ENTPD5: variants seen among roughly 807,000 people sequenced by gnomAD.
ENTPD5 encodes nucleoside diphosphate phosphatase ENTPD5.
ENTPD5 carries 49 observed loss-of-function variants against 60.2 expected under a neutral mutation model. The ratio of observed to expected loss-of-function variants is 0.81; its 90% CI spans 0.65 to 1.03. ENTPD5 has a LOEUF of 1.03. Among genes scored for constraint, ENTPD5 ranks in the 50% least tolerant of loss-of-function variants. The pLI is 0.00. For missense variants in ENTPD5, 480 were observed against 507.6 expected (o/e 0.95, Z 0.52); for synonymous variants, 187 against 185.4 (o/e 1.01, Z -0.07).
chr14:73,956,956 T>C (rs11623965), downstream of ENTPD5, among the ~76,000 whole-genome samples: 47,904 of 152,074 alleles, frequency 0.32, 9,116 homozygotes, highest in Non-Finnish European at 0.42. Context: ...TGTGTGTGCA[T>C]GTACATGCAT....
At chr14:73,955,638 G>A (rs751788393), downstream of ENTPD5, 4 of 1,341,748 alleles carry the variant, frequency 3.0e-6, no homozygotes, top group Admixed American at 6.8e-5. Context: ...CCGAGGAAGT[G>A]GGGAGAAGCA....
At chr14:73,955,573 C>G (rs768103757), downstream of ENTPD5, 4 of 1,506,736 alleles carry the variant, frequency 2.7e-6, no homozygotes, top group African/African-American at 5.5e-5. Flanking sequence ...TCGGAGTCCA[C>G]TTTCTCCAAG....
At position 73,994,768 on chromosome 14, in the gene ENTPD5, T is replaced by A. The variant is rs76772820; in HGVS notation, c.-70-6596A>T. Among the ~76,000 whole-genome samples, 266 of 151,368 alleles carry A rather than the reference T, an allele frequency of 1.8e-3. 7 individuals are homozygous for A. The East Asian group carries it at 0.036, about 20-fold the overall frequency. ...AAAGTCTTACATTTATAGAATGACA[T>A]CCTATTTTACAGAACCCGAGTCTGC... On this transcript the variant is annotated intron_variant, in intron 3 of 15. Transcript: ENST00000334696.
intron 14 of ENTPD5, among the ~76,000 whole-genome samples, chr14:73,971,640 C>T (rs774908266): frequency 6.6e-6 from 1 of 152,174 alleles, no homozygotes; most frequent in South Asian, 2.1e-4. Context: ...GCAATCCTCC[C>T]GCCCTGAGTA....
chr14:73,980,190 G>A (rs569836631), intron 6 of ENTPD5, among the ~76,000 whole-genome samples: 11 of 150,072 alleles, frequency 7.3e-5, no homozygotes, highest in Non-Finnish European at 1.6e-4. Context: ...CAGGTGATCC[G>A]CCCGCCTCGG....
At chr14:73,961,325 T>C, downstream of ENTPD5, 1 of 1,614,168 alleles carries the variant, frequency 6.2e-7, no homozygotes, top group Non-Finnish European at 8.5e-7. Context: ...TGTTTCCTCT[T>C]GGGTTGGGAC....
chr14:73,999,643 T>C (rs2058444840), intron 3 of ENTPD5, among the ~76,000 whole-genome samples: 1 of 147,670 alleles, frequency 6.8e-6, no homozygotes, highest in Non-Finnish European at 1.5e-5. Context: ...TATACAAAAA[T>C]TAGCCAGGCG....
rs187660333 is a variant in ENTPD5, at chr14:73,985,255, C to T, written c.297+1559G>A. On this transcript the variant is annotated intron_variant, in intron 5 of 15. Coordinates refer to ENST00000334696, the MANE Select transcript of ENTPD5 (RefSeq NM_001249.5). ...GATTTATAATCCTTTGGGTATATAC[C>T]GAGTAATGGGATGGCTGGGTCAAAT... is the stretch of plus-strand genomic sequence containing the variant. Among the ~76,000 whole-genome samples, 582 of 152,148 alleles carry T rather than the reference C, an allele frequency of 3.8e-3. 2 individuals are homozygous for T. The highest frequency in any genetic ancestry group is 7.0e-3 in the South Asian group (34 of 4,824).
In ENTPD5 at chr14:73,970,100, G is replaced by C. The variant is rs748338265; in HGVS notation, c.1110C>G (p.Thr370=). 6.2e-7 allele frequency: 1 copy of C among 1,613,778 alleles called. No individual in the cohort carries two copies. The highest frequency in any genetic ancestry group is 8.5e-7 in the Non-Finnish European group (1 of 1,179,732). Residue 370 remains threonine (T), a synonymous_variant, in exon 15 of 16, where the codon ACC becomes ACG. Transcript: ENST00000334696. ...CCATGCACAGGAAAGGACTGCCTGA[G>C]GTGAAGTTTTCCAAGTTATCACACA... ...REVCDNLENF[T]SGSPFLCMDL... is the part of the protein sequence containing the mutation.
intron 5 of ENTPD5, chr14:73,986,210 A>C (rs1410476323): frequency 6.6e-6 from 1 of 152,178 alleles, no homozygotes; most frequent in Non-Finnish European, 1.5e-5. Flanking sequence ...ATACCTTTAC[A>C]TTTGCTCCCC....
In ENTPD5 at chr14:73,964,837, T is replaced by C. The variant is rs1031318817; in HGVS notation, c.*2091A>G. Reference sequence around the variant, plus strand: ...GAACTAAGACCACTTAGAAGATAGGTAGATTTCAGCTCAATATAAGGAATT... The same window carrying C: ...GAACTAAGACCACTTAGAAGATAGGCAGATTTCAGCTCAATATAAGGAATT... On this transcript the variant is annotated 3_prime_UTR_variant, in exon 16 of 16. Transcript: ENST00000334696. 6.6e-6 allele frequency: 1 copy of C among 151,800 alleles called. No individual in the cohort carries two copies. Among genetic ancestry groups the C allele is most frequent in the African/African-American group, 2.4e-5 (1 of 41,426 alleles). 9.4% of individuals were successfully genotyped at this position (151,800 alleles called of 1,614,324 possible). A position where few individuals can be genotyped will look rare whatever the true frequency, so the allele number is the denominator to read the frequency against.
chr14:73,959,490 G>C (rs17851169), downstream of ENTPD5: 2 of 1,614,024 alleles, frequency 1.2e-6, no homozygotes, highest in East Asian at 2.2e-5. Context: ...CATGGATGAG[G>C]AAAAATTTGT....
chr14:73,961,810 C>G (rs536819401), downstream of ENTPD5: 9 of 1,614,200 alleles, frequency 5.6e-6, no homozygotes, highest in African/African-American at 1.1e-4. Context: ...CTGCTACAGA[C>G]TTACTAAAAA....
chr14:73,972,756 G>T, intron 13 of ENTPD5, 128 bp downstream of exon 13: 1 of 1,092,720 alleles, frequency 9.2e-7, no homozygotes, highest in Non-Finnish European at 1.3e-6. Flanking sequence ...CCACCCTTTT[G>T]TTCGAGTGAC....
At chr14:73,989,624 A>T (rs935413121) in intron 3 of ENTPD5, among the ~76,000 whole-genome samples, 3 of 152,194 alleles carry the variant, frequency 2.0e-5, no homozygotes, top group South Asian at 4.1e-4. Flanking sequence ...ACCTGAGGTC[A>T]GGAGTTCAAG....
At position 73,963,374 on chromosome 14, in the gene ENTPD5, A is replaced by C; in HGVS notation, c.*3554T>G. On this transcript the variant is annotated 3_prime_UTR_variant, in exon 16 of 16. Coordinates refer to ENST00000334696, the MANE Select transcript of ENTPD5 (RefSeq NM_001249.5). The stretch of plus-strand genomic sequence containing the variant: ...AATTTATACAGTTGTTTTTTGATAG[A>C]GGTAAGAATTAGACTCGATGCATTT... The C allele has an allele frequency of 2.8e-6, 1 of 359,654 alleles. No individual in the cohort carries two copies. The highest frequency in any genetic ancestry group is 5.0e-6 in the Non-Finnish European group (1 of 200,460). The allele number at this position is 359,654 out of a possible 1,614,324, so 22.3% of individuals were successfully genotyped here. A position where few individuals can be genotyped will look rare whatever the true frequency, so the allele number is the denominator to read the frequency against.
intron 3 of ENTPD5, 62 bp from the exon 4 acceptor site, chr14:73,988,234 A>G (rs879001409): frequency 2.1e-6 from 3 of 1,413,300 alleles, no homozygotes; most frequent in Admixed American, 2.7e-5. Context: ...CTGTAAAAGA[A>G]GAAACACTCA....
intron 2 of ENTPD5, among the ~76,000 whole-genome samples, chr14:74,012,050 C>T (rs1363703650): frequency 2.6e-5 from 4 of 152,166 alleles, no homozygotes; most frequent in South Asian, 2.1e-4. Context: ...ATTTGACTCA[C>T]GCAACCCATG....
chr14:73,980,834 ATG>A (rs2057656088), intron 6 of ENTPD5, among the ~76,000 whole-genome samples: 2 of 152,256 alleles, frequency 1.3e-5, no homozygotes, highest in Admixed American at 1.3e-4. Flanking sequence ...ACAATGGCTC[ATG>A]CCTGTAATCC....
Sources: gnomAD v4.1 joint callset for allele counts (sites outside exome capture counted in the v4.1 genomes callset) on GRCh38, gnomAD v4.1.1 for gene constraint, MANE v1.5 for transcripts, NCBI Gene and HGNC (gene_info 2026-07-23, HGNC 2026-07-21) for gene names.